The following PARP14 variants were observed in gnomAD, a reference collection of about 807,000 sequenced individuals.
The protein encoded by PARP14 is poly(ADP-ribose) polymerase family member 14.
A neutral mutation model predicts 154.2 loss-of-function variants in PARP14; 59 were observed. The observed-to-expected ratio is 0.38, with a 90% CI of 0.31 to 0.48. PARP14 has a LOEUF of 0.48. Among genes scored for constraint, PARP14 ranks in the 20% least tolerant of loss-of-function variants. The probability of loss-of-function intolerance (pLI) is 0.98; values close to 1 mark genes in which losing one functional copy is unlikely to be tolerated. For synonymous variants in PARP14, 720 were observed against 780.5 expected, an observed-to-expected ratio of 0.92 and a Z score of 1.29; for missense variants, 1,734 against 2,131.6, an observed-to-expected ratio of 0.81 and a Z score of 3.67.
At chr3:122,696,013 G>A (rs938458025) in intron 5 of PARP14, among the ~76,000 whole-genome samples, 2 of 152,146 alleles carry the variant, frequency 1.3e-5, no homozygotes, top group African/African-American at 4.8e-5. Context: ...TTATGACAAG[G>A]TTAGGTAAAG....
chr3:122,680,942 C>A lies in PARP14; in HGVS notation c.59C>A (p.Pro20Gln), dbSNP rs1349118179. 1 of 1,613,238 alleles carries A rather than the reference C, an allele frequency of 6.2e-7. No homozygotes were observed. The highest frequency in any genetic ancestry group is 8.5e-7 in the Non-Finnish European group (1 of 1,179,520). The part of the protein sequence containing the change: ...LVEGSWGPDP[P>Q]KNLNTKLQMY... ...GAGGGCTCCTGGGGCCCCGACCCCC[C>A]GAAGAACTTGAACACCAAGTTGCAG... Residue 20 changes from proline (P) to glutamine (Q), a missense_variant, in exon 1 of 17, where the codon CCG becomes CAG. By Grantham distance (76) the Pro-to-Gln change is moderately conservative (BLOSUM62 -1). This residue lies in a region of PARP14 where 1,646 missense variants were observed against 1,976.0 expected (regional missense o/e 0.83). Coordinates refer to ENST00000474629, the MANE Select transcript of PARP14 (RefSeq NM_017554.3).
At chr3:122,703,656 T>C (rs1939055876) in intron 6 of PARP14, 86 bp from the exon 7 acceptor site, 7 of 712,298 alleles carry the variant, frequency 9.8e-6, no homozygotes, top group Non-Finnish European at 1.7e-5. Context: ...TCTCCAATTG[T>C]GCCAAGCCCA....
chr3:122,702,084 C>T (rs1938996847), intron 6 of PARP14, among the ~76,000 whole-genome samples: 2 of 152,116 alleles, frequency 1.3e-5, no homozygotes, highest in Admixed American at 6.5e-5. Flanking sequence ...GTCTAAGGGG[C>T]CATCAGCGCC....
At chr3:122,698,564 G>A (rs1437531412) in intron 5 of PARP14, among the ~76,000 whole-genome samples, 1 of 152,112 alleles carries the variant, frequency 6.6e-6, no homozygotes, top group Non-Finnish European at 1.5e-5. Flanking sequence ...CGTTGGGGTT[G>A]GACAACCACT....
chr3:122,700,862 G>C lies in PARP14; in HGVS notation c.2308G>C (p.Gly770Arg). The C allele has an allele frequency of 1.9e-6, 3 of 1,614,014 alleles. No individual in the cohort carries two copies. The highest frequency in any genetic ancestry group is 1.1e-5 in the South Asian group (1 of 91,082). Residue 770 changes from glycine (G) to arginine (R), a missense_variant, in exon 6 of 17, where the codon GGT (glycine) becomes CGT (arginine). Physicochemically the swap from Gly to Arg is moderately radical, Grantham distance 125. Transcript: ENST00000474629. ...TCAAAGTGAGATCAAACGGTTGTTT[G>C]GTTGTTACATTGAACTACAGGAGAA... ...FYQSEIKRLFGCYIELQENEV... is the reference protein window; with the variant it reads ...FYQSEIKRLFRCYIELQENEV...
intron 9 of PARP14, among the ~76,000 whole-genome samples, chr3:122,709,632 T>C (rs1398805097): frequency 6.6e-6 from 1 of 152,210 alleles, no homozygotes; most frequent in Non-Finnish European, 1.5e-5. Context: ...TTTTCCGTAG[T>C]GGTTGTAATA....
In PARP14 at chr3:122,700,732, G is replaced by A; in HGVS notation, c.2178G>A (p.Lys726=). Residue 726 remains lysine (K), a synonymous_variant, in exon 6 of 17, where the codon AAG becomes AAA. Coordinates refer to ENST00000474629, the MANE Select transcript of PARP14 (RefSeq NM_017554.3). ...LLTGSKTEVL[K]AVDIVKQVWD... ...CTGGCTCAAAGACCGAAGTACTGAA[G>A]GCAGTGGACATTGTCAAGCAAGTCT... The A allele has an allele frequency of 6.2e-7, 1 of 1,613,224 alleles. No homozygotes were observed. The highest frequency in any genetic ancestry group is 8.5e-7 in the Non-Finnish European group (1 of 1,179,570).
chr3:122,711,439 G>A (rs137868419), intron 9 of PARP14, among the ~76,000 whole-genome samples: 24 of 152,178 alleles, frequency 1.6e-4, no homozygotes, highest in Admixed American at 1.2e-3. Flanking sequence ...GATAAAGTAC[G>A]CTTGTTCATA....
At chr3:122,707,708 G>A (rs1234517520) in intron 8 of PARP14, among the ~76,000 whole-genome samples, 1 of 152,146 alleles carries the variant, frequency 6.6e-6, no homozygotes, top group African/African-American at 2.4e-5. Flanking sequence ...TGAGGTGGGA[G>A]AATTGCTTAA....
intron 15 of PARP14, among the ~76,000 whole-genome samples, chr3:122,723,929 A>G (rs1209945812): frequency 1.3e-5 from 2 of 152,118 alleles, no homozygotes; most frequent in African/African-American, 4.8e-5. Context: ...TTTGAAGAAT[A>G]AATGTTCTTT....
chr3:122,720,005 A>G (rs187488860), intron 14 of PARP14, among the ~76,000 whole-genome samples: 2 of 152,242 alleles, frequency 1.3e-5, no homozygotes, highest in African/African-American at 2.4e-5. Flanking sequence ...GGAGGCAGAC[A>G]TACAGGCTCT....
Position 122,728,531 on chromosome 3 carries a change from A to G in PARP14, c.5340A>G (p.Pro1780=), listed in dbSNP as rs1933345110. Residue 1780 remains proline, a synonymous_variant, in exon 17 of 17, where the codon CCA becomes CCG. Coordinates refer to ENST00000474629, the MANE Select transcript of PARP14 (RefSeq NM_017554.3). ...CTGTCACAGATAATGTGCACCATCC[A>G]AGTTTATTTGTGGCATTTTATGACT... is the stretch of plus-strand genomic sequence containing the variant. ...YDTVTDNVHH[P]SLFVAFYDYQ... 6.2e-7 allele frequency: 1 copy of G among 1,613,722 alleles called. No individual in the cohort carries two copies. The highest frequency in any genetic ancestry group is 1.7e-5 in the Admixed American group (1 of 60,008).
In PARP14 at chr3:122,699,438, T is replaced by C; in HGVS notation, c.884T>C (p.Leu295Pro). 1 of 1,612,242 alleles carries C rather than the reference T, an allele frequency of 6.2e-7. No individual in the cohort carries two copies. ...ATKLDFNKMPLSVFPYYASLG... is the reference protein window; with the variant it reads ...ATKLDFNKMPPSVFPYYASLG... Reference sequence around the variant, plus strand: ...AAACTCGACTTCAATAAAATGCCACTTTCTGTGTTCCCATACTATGCCTCA... The same window carrying C: ...AAACTCGACTTCAATAAAATGCCACCTTCTGTGTTCCCATACTATGCCTCA... The change falls in exon 6 of 17, where the codon CTT becomes CCT. Residue 295 changes from leucine (L) to proline (P), a missense_variant. Leu to Pro is a moderately conservative substitution (Grantham distance 98). Around this residue, in one of 2 missense-constraint regions of PARP14, gnomAD observed 1,646 missense variants for 1,976.0 expected, o/e 0.83. Transcript: ENST00000474629.
chr3:122,728,419 T>C lies in PARP14; in HGVS notation c.5228T>C (p.Val1743Ala). 6.2e-7 allele frequency: 1 copy of C among 1,613,774 alleles called. No individual in the cohort carries two copies. Residue 1743 changes from valine (V) to alanine (A), a missense_variant, in exon 17 of 17, where the codon GTA (valine) becomes GCA (alanine). Val to Ala is a moderately conservative substitution (Grantham distance 64). Around this residue, in one of 2 missense-constraint regions of PARP14, gnomAD observed 88 missense variants for 155.6 expected, o/e 0.57. Transcript: ENST00000474629. The part of the protein sequence containing the change: ...NGRKHVYYVR[V>A]LTGIYTHGNH... ...AGAAAGCATGTGTATTATGTGCGAGTACTTACTGGAATCTATACACATGGA... is the reference window on the plus strand; with the variant it reads ...AGAAAGCATGTGTATTATGTGCGAGCACTTACTGGAATCTATACACATGGA...
intron 12 of PARP14, among the ~76,000 whole-genome samples, chr3:122,717,317 C>T (rs1355864661): frequency 6.6e-6 from 1 of 152,144 alleles, no homozygotes; most frequent in Non-Finnish European, 1.5e-5. Flanking sequence ...TGGGACTGTT[C>T]CCCCAGCTGG....
intron 8 of PARP14, among the ~76,000 whole-genome samples, chr3:122,705,361 T>C (rs535625234): frequency 6.6e-6 from 1 of 152,230 alleles, no homozygotes; most frequent in Non-Finnish European, 1.5e-5. Flanking sequence ...TTTCCCTCCA[T>C]ATGGACATAG....
In PARP14 at chr3:122,701,223, C is replaced by A; in HGVS notation, c.2669C>A (p.Ala890Asp). The change falls in exon 6 of 17, where the codon GCC becomes GAC. Residue 890 changes from alanine (A) to aspartate (D), a missense_variant. Around this residue, in one of 2 missense-constraint regions of PARP14, gnomAD observed 1,646 missense variants for 1,976.0 expected, o/e 0.83. Transcript: ENST00000474629. The surrounding 1 kb of genome is among the most constrained non-coding windows in gnomAD (Gnocchi z 4.0). ...GGGCCCCGCTGGAGCGGATATGAGG[C>A]CCCGAGGTGTGTGTACCTATTAAGG... ...AVGPRWSGYE[A>D]PRCVYLLRRA... The A allele has an allele frequency of 1.9e-6, 3 of 1,613,442 alleles. No individual in the cohort carries two copies. The highest frequency in any genetic ancestry group is 1.7e-5 in the Admixed American group (1 of 59,892).
rs1255960348 is a variant in PARP14 at position 122,700,876 on chromosome 3, A to G, written c.2322A>G (p.Glu774=). Residue 774 remains glutamate, a synonymous_variant, in exon 6 of 17, where the codon GAA becomes GAG. Transcript: ENST00000474629. ...EIKRLFGCYI[E]LQENEVMKEG... Reference sequence around the variant, plus strand: ...AACGGTTGTTTGGTTGTTACATTGAACTACAGGAGAATGAAGTAATGAAGG... The same window carrying G: ...AACGGTTGTTTGGTTGTTACATTGAGCTACAGGAGAATGAAGTAATGAAGG... The G allele has an allele frequency of 5.0e-6, 8 of 1,613,916 alleles. No homozygotes were observed. Among genetic ancestry groups the G allele is most frequent in the African/African-American group, 1.3e-5 (1 of 74,934 alleles).
Position 122,703,936 on chromosome 3 carries a change from G to A in PARP14, c.3276G>A (p.Val1092=). The A allele has an allele frequency of 5.6e-6, 9 of 1,613,938 alleles. No homozygotes were observed. Among genetic ancestry groups the A allele is most frequent in the Non-Finnish European group, 7.6e-6 (9 of 1,179,844 alleles). Residue 1092 remains valine, a synonymous_variant, in exon 7 of 17, where the codon GTG becomes GTA. Transcript: ENST00000474629. ...WNLDCRYVLH[V]VAPEWRNGST... Reference sequence around the variant, plus strand: ...TGGACTGTCGCTATGTGCTTCACGTGGTAGCTCCGGAGTGGAGAAATGGTA... The same window carrying A: ...TGGACTGTCGCTATGTGCTTCACGTAGTAGCTCCGGAGTGGAGAAATGGTA...
Sources: gnomAD v4.1 joint callset for allele counts (sites outside exome capture counted in the v4.1 genomes callset) on GRCh38, gnomAD v4.1.1 for gene constraint, gnomAD v4.1.1 regional missense constraint, Gnocchi (gnomAD v3.1) non-coding constraint, MANE v1.5 for transcripts, NCBI Gene and HGNC (gene_info 2026-07-23, HGNC 2026-07-21) for gene names.